The following PDE3A variants were observed in gnomAD, a reference collection of about 807,000 sequenced individuals.
PDE3A encodes the protein phosphodiesterase 3A.
In PDE3A, 43 loss-of-function variants were observed where a neutral mutation model predicts 98.3. The ratio of observed to expected loss-of-function variants is 0.44; its 90% confidence interval spans 0.34 to 0.56. The LOEUF (loss-of-function observed/expected upper bound fraction) is 0.56, where lower values mean the gene tolerates loss of function less well. Among genes scored for constraint, PDE3A ranks in the 20% least tolerant of loss-of-function variants. PDE3A has a pLI of 0.01. For synonymous variants in PDE3A, 663 were observed against 567.9 expected, an observed-to-expected ratio of 1.17 and a Z score of -2.38; for missense variants, 1,427 against 1,440.7, an observed-to-expected ratio of 0.99 and a Z score of 0.15.
Position 20,479,028 on chromosome 12 carries a change from A to G in PDE3A, c.961-77632A>G, listed in dbSNP as rs183293147. Among the ~76,000 whole-genome samples the G allele has an allele frequency of 3.3e-4, 50 of 152,318 alleles. 1 individual carries two copies. In the Middle Eastern group the frequency reaches 0.01, roughly 31 times the overall value. On this transcript the variant is annotated intron_variant, in intron 1 of 15. Coordinates refer to ENST00000359062, the MANE Select transcript of PDE3A (RefSeq NM_000921.5). ...CAACATTTATTAAAACCCACATTTTATTATGGCCAGGCTTCTTATCTCTAC... is the reference window on the plus strand; with the variant it reads ...CAACATTTATTAAAACCCACATTTTGTTATGGCCAGGCTTCTTATCTCTAC...
chr12:20,405,705 A>T (rs937582705), intron 1 of PDE3A, among the ~76,000 whole-genome samples: 5 of 152,306 alleles, frequency 3.3e-5, no homozygotes, highest in Middle Eastern at 3.4e-3. Context: ...CACATCGATC[A>T]TAGTTACCTG....
intron 4 of PDE3A, among the ~76,000 whole-genome samples, chr12:20,618,317 T>C (rs955282039): frequency 1.3e-5 from 2 of 152,060 alleles, no homozygotes; most frequent in African/African-American, 4.8e-5. Context: ...CTTTTGAGTT[T>C]TAGCCCTGAA....
At chr12:20,543,237 G>C (rs937434135) in intron 1 of PDE3A, among the ~76,000 whole-genome samples, 7 of 146,572 alleles carry the variant, frequency 4.8e-5, no homozygotes, top group African/African-American at 7.4e-5. Flanking sequence ...GGAATTTTTG[G>C]AGTAAGTTTA....
intron 1 of PDE3A, among the ~76,000 whole-genome samples, chr12:20,456,748 T>C (rs1565555327): frequency 6.6e-6 from 1 of 152,198 alleles, no homozygotes; most frequent in Non-Finnish European, 1.5e-5. Context: ...AGAAGTTTAA[T>C]AATCCTTTAT....
At chr12:20,495,166 C>T (rs528020878) in intron 1 of PDE3A, among the ~76,000 whole-genome samples, 1 of 152,152 alleles carries the variant, frequency 6.6e-6, no homozygotes, top group Admixed American at 6.6e-5. Context: ...CAATCAATGC[C>T]TGCTTGGAGT....
intron 1 of PDE3A, among the ~76,000 whole-genome samples, chr12:20,482,939 A>G (rs1433271635): frequency 6.6e-6 from 1 of 152,208 alleles, no homozygotes; most frequent in East Asian, 1.9e-4. Flanking sequence ...AAAGTACGAT[A>G]TGACGTAGGA....
At chr12:20,388,212 C>A (rs1246443642) in intron 1 of PDE3A, among the ~76,000 whole-genome samples, 2 of 151,932 alleles carry the variant, frequency 1.3e-5, no homozygotes, top group Non-Finnish European at 2.9e-5. Flanking sequence ...ATATAAAACA[C>A]CCTTGGAAGT....
chr12:20,544,094 G>A (rs1941992436), intron 1 of PDE3A, among the ~76,000 whole-genome samples: 1 of 151,422 alleles, frequency 6.6e-6, no homozygotes. Flanking sequence ...CAAGACTCCT[G>A]TGGTGCCTTT....
intron 4 of PDE3A, among the ~76,000 whole-genome samples, chr12:20,618,653 G>C (rs958847415): frequency 6.6e-6 from 1 of 151,962 alleles, no homozygotes; most frequent in Admixed American, 6.6e-5. Flanking sequence ...ATTACAAGGA[G>C]TCATTAGGAA....
intron 15 of PDE3A, among the ~76,000 whole-genome samples, chr12:20,672,054 C>G (rs1445783613): frequency 1.3e-5 from 2 of 151,738 alleles, no homozygotes; most frequent in Non-Finnish European, 1.5e-5. Flanking sequence ...TATACACCAA[C>G]AGACAAATAG....
At chr12:20,516,048 A>G (rs576535396) in intron 1 of PDE3A, among the ~76,000 whole-genome samples, 1 of 149,158 alleles carries the variant, frequency 6.7e-6, no homozygotes, top group East Asian at 2.0e-4. Context: ...TTTTTTTTTC[A>G]GAACATGTTG....
In PDE3A at chr12:20,653,989, A is replaced by G. The variant is rs1294008285; in HGVS notation, c.2968A>G (p.Met990Val). ...ASLGLPISPF[M>V]DRSAPQLANL... ...CCTTGGATTACCCATAAGCCCCTTC[A>G]TGGATCGTTCTGCTCCTCAGCTGGC... The change falls in exon 15 of 16, where the codon ATG becomes GTG. Residue 990 changes from methionine (M) to valine (V), a missense_variant. Met to Val is a conservative substitution (Grantham distance 21). Coordinates refer to ENST00000359062, the MANE Select transcript of PDE3A (RefSeq NM_000921.5). 1 of 1,614,040 alleles carries G rather than the reference A, an allele frequency of 6.2e-7. No individual in the cohort carries two copies. Among genetic ancestry groups the G allele is most frequent in the Non-Finnish European group, 8.5e-7 (1 of 1,180,014 alleles).
At chr12:20,568,184 T>C (rs1942708462) in intron 2 of PDE3A, among the ~76,000 whole-genome samples, 1 of 152,004 alleles carries the variant, frequency 6.6e-6, no homozygotes, top group South Asian at 2.1e-4. Flanking sequence ...CTTATGTAGA[T>C]GTTATTTCTT....
Position 20,684,621 on chromosome 12 carries a change from T to C in PDE3A, c.*4350T>C, listed in dbSNP as rs569359078. ...TATGACCATTGTCCTAGGTCGTTTG[T>C]GTCTTTATGAATTTGCTGATATTGT... On this transcript the variant is annotated 3_prime_UTR_variant, in exon 16 of 16. Transcript: ENST00000359062. 1.3e-5 allele frequency among the ~76,000 whole-genome samples: 2 copies of C among 152,378 alleles called. No homozygotes were observed. Among genetic ancestry groups the C allele is most frequent in the African/African-American group, 4.8e-5 (2 of 41,598 alleles).
chr12:20,468,976 TG>T (rs1945390236), intron 1 of PDE3A, among the ~76,000 whole-genome samples: 1 of 152,210 alleles, frequency 6.6e-6, no homozygotes, highest in South Asian at 2.1e-4. Flanking sequence ...TCTAATTATC[TG>T]AGCCCTCACA....
At chr12:20,491,375 T>C (rs1427969590) in intron 1 of PDE3A, among the ~76,000 whole-genome samples, 1 of 152,178 alleles carries the variant, frequency 6.6e-6, no homozygotes, top group Non-Finnish European at 1.5e-5. Context: ...GGCAGAGAAC[T>C]CCTCAAAACC....
At chr12:20,429,859 AT>A (rs112563278) in intron 1 of PDE3A, among the ~76,000 whole-genome samples, 51,263 of 149,662 alleles carry the variant, frequency 0.34, 8,733 homozygotes, top group Admixed American at 0.41. Flanking sequence ...TTAGACACTG[AT>A]TTTTTTTTTT....
At chr12:20,540,467 A>C (rs948871622) in intron 1 of PDE3A, among the ~76,000 whole-genome samples, 1 of 152,066 alleles carries the variant, frequency 6.6e-6, no homozygotes, top group Non-Finnish European at 1.5e-5. Flanking sequence ...CCATCTTCTG[A>C]GAATATTATC....
intron 15 of PDE3A, among the ~76,000 whole-genome samples, chr12:20,661,457 GTA>G (rs770109402): frequency 2.0e-5 from 3 of 152,216 alleles, no homozygotes; most frequent in East Asian, 1.9e-4. Flanking sequence ...AATGTCTCCA[GTA>G]TATGTCAGAG....
Sources: allele counts gnomAD v4.1 joint callset (sites outside exome capture counted in the v4.1 genomes callset), GRCh38; gene constraint gnomAD v4.1.1; transcripts MANE v1.5; gene names NCBI Gene and HGNC (gene_info 2026-07-23, HGNC 2026-07-21).